The following DGKB variants were observed in gnomAD, a reference collection of about 807,000 sequenced individuals.
The protein encoded by DGKB is 90 kDa diacylglycerol kinase.
DGKB carries 67 observed loss-of-function variants against 114.3 expected under a neutral mutation model. The observed-to-expected ratio is 0.59, with a 90% CI of 0.48 to 0.72. The LOEUF (loss-of-function observed/expected upper bound fraction) is 0.72. DGKB is among the 30% of genes least tolerant of loss of function. The pLI, the probability that DGKB is intolerant of heterozygous loss-of-function variation, is 0.00. For missense variants in DGKB, 907 were observed against 975.2 expected, an observed-to-expected ratio of 0.93 and a Z score of 0.93; for synonymous variants, 398 against 323.1, an observed-to-expected ratio of 1.23 and a Z score of -2.49.
At chr7:14,898,706 T>C (rs1288830558) in intron 1 of DGKB, among the ~76,000 whole-genome samples, 2 of 152,014 alleles carry the variant, frequency 1.3e-5, no homozygotes, top group Non-Finnish European at 2.9e-5. Context: ...AGAGAATGAA[T>C]CAGGGCCAAC....
At chr7:14,510,041 C>T (rs1037913711) in intron 20 of DGKB, among the ~76,000 whole-genome samples, 4 of 152,060 alleles carry the variant, frequency 2.6e-5, no homozygotes, top group African/African-American at 9.6e-5. Context: ...CCCGGCGTGG[C>T]GGCGGGCGCC....
At chr7:14,958,613 A>T (rs1245304894) in intron 1 of DGKB, among the ~76,000 whole-genome samples, 2 of 152,068 alleles carry the variant, frequency 1.3e-5, no homozygotes, top group Non-Finnish European at 2.9e-5. Context: ...CTTTTCTTAA[A>T]GTAACCAGTA....
chr7:14,517,863 G>C (rs1489559215), intron 20 of DGKB, among the ~76,000 whole-genome samples: 2 of 152,056 alleles, frequency 1.3e-5, no homozygotes, highest in Admixed American at 6.6e-5. Flanking sequence ...ACTGCAGGTG[G>C]GAATGTAAAT....
In DGKB at chr7:14,363,140, G is replaced by T. The variant is rs183633006; in HGVS notation, c.1836-17749C>A. Among the ~76,000 whole-genome samples the T allele has an allele frequency of 3.7e-3, 559 of 152,198 alleles. 4 individuals carry two copies. The highest frequency in any genetic ancestry group is 0.013 in the African/African-American group (545 of 41,556). ...CCTCCAGCTCATCCACCAGATTACT[G>T]TTGCTAAAAAACTGCCAGACTAATT... On this transcript the variant is annotated intron_variant, in intron 21 of 25. Transcript: ENST00000402815.
intron 23 of DGKB, among the ~76,000 whole-genome samples, chr7:14,313,999 G>C (rs1031765962): frequency 9.9e-5 from 15 of 152,148 alleles, no homozygotes; most frequent in Non-Finnish European, 1.6e-4. Context: ...GTTTAACTGC[G>C]AGGCACCCTC....
chr7:14,330,981 C>T (rs889981490), intron 23 of DGKB, among the ~76,000 whole-genome samples: 2 of 151,586 alleles, frequency 1.3e-5, no homozygotes, highest in African/African-American at 4.8e-5. Flanking sequence ...TTACAAACTT[C>T]AAAATTATAA....
At chr7:14,607,329 T>A (rs1804702133) in intron 17 of DGKB, 105 bp downstream of exon 17, 1 of 643,868 alleles carries the variant, frequency 1.6e-6, no homozygotes, top group Admixed American at 3.0e-5. Flanking sequence ...TATGTACTAA[T>A]ATGCTGCTGT....
At chr7:14,425,544 G>A (rs571220273) in intron 21 of DGKB, among the ~76,000 whole-genome samples, 2 of 152,136 alleles carry the variant, frequency 1.3e-5, no homozygotes, top group South Asian at 4.1e-4. Context: ...AGCTACTACT[G>A]GAACACCTAT....
At chr7:14,875,482 T>C (rs558105676) in intron 1 of DGKB, among the ~76,000 whole-genome samples, 5 of 152,244 alleles carry the variant, frequency 3.3e-5, no homozygotes, top group African/African-American at 1.2e-4. Context: ...CATTGTGAAA[T>C]AAGAATGCCT....
chr7:14,531,654 T>C (rs1367655444), intron 20 of DGKB, among the ~76,000 whole-genome samples: 5 of 120,880 alleles, frequency 4.1e-5, no homozygotes, highest in African/African-American at 1.6e-4. Flanking sequence ...CTTATCAAAA[T>C]GACAGCAGAT....
At chr7:14,723,549 A>G (rs967347192) in intron 5 of DGKB, among the ~76,000 whole-genome samples, 1 of 151,610 alleles carries the variant, frequency 6.6e-6, no homozygotes, top group Non-Finnish European at 1.5e-5. Flanking sequence ...AGTGAAGCAA[A>G]TGTGTGTGTG....
chr7:14,568,754 T>A (rs113722301), intron 20 of DGKB, among the ~76,000 whole-genome samples: 1 of 152,224 alleles, frequency 6.6e-6, no homozygotes, highest in East Asian at 1.9e-4. Context: ...AGCTACATAT[T>A]TCTGACCTCG....
chr7:14,397,525 T>C (rs529638501), intron 21 of DGKB, among the ~76,000 whole-genome samples: 1 of 152,232 alleles, frequency 6.6e-6, no homozygotes, highest in Non-Finnish European at 1.5e-5. Context: ...AGAACTGCTG[T>C]GTCCTTCTAG....
intron 1 of DGKB, among the ~76,000 whole-genome samples, chr7:14,957,043 A>C (rs915215922): frequency 1.3e-5 from 2 of 152,000 alleles, no homozygotes; most frequent in African/African-American, 4.8e-5. Context: ...TCAAATGCCC[A>C]AATAGGAATT....
chr7:14,319,577 A>C (rs777239747), intron 23 of DGKB, among the ~76,000 whole-genome samples: 3 of 152,186 alleles, frequency 2.0e-5, no homozygotes, highest in African/African-American at 7.2e-5. Context: ...AGGATTTTCA[A>C]TAATTTTTAA....
At chr7:14,255,062 A>T (rs1264834511) in intron 23 of DGKB, among the ~76,000 whole-genome samples, 1 of 152,200 alleles carries the variant, frequency 6.6e-6, no homozygotes, top group Non-Finnish European at 1.5e-5. Context: ...TTTAAAGTAA[A>T]TAATAAGTTA....
At chr7:14,160,890 A>C (rs1562499293) in intron 25 of DGKB, among the ~76,000 whole-genome samples, 1 of 152,174 alleles carries the variant, frequency 6.6e-6, no homozygotes, top group Non-Finnish European at 1.5e-5. Context: ...TACAGTAACC[A>C]AAACAAACAG....
At position 14,350,734 on chromosome 7, in the gene DGKB, C is replaced by T. The variant is rs183403653; in HGVS notation, c.1836-5343G>A. ...AGATACTGAACCCATTTTCAAGCAT[C>T]GTTAACTAAGCGATTTGACCTATAT... On this transcript the variant is annotated intron_variant, in intron 21 of 25. Transcript: ENST00000402815. Among the ~76,000 whole-genome samples the T allele has an allele frequency of 2.5e-3, 375 of 151,384 alleles. 4 individuals carry two copies. Among genetic ancestry groups the T allele is most frequent in the African/African-American group, 8.5e-3 (352 of 41,240 alleles).
rs1554266021 is a variant in DGKB at position 14,769,254 on chromosome 7, G to GAA, written c.71-11525_71-11524dup. On this transcript the variant is annotated intron_variant, in intron 2 of 25. Transcript: ENST00000402815. ...AGAAAGAAAGAAAGAAAGAAAGAAA[G>GAA]AAAGAAAGAAAGAAAGAAAGAAAGA... 3.2e-5 allele frequency among the ~76,000 whole-genome samples: 4 copies of GAA among 124,152 alleles called. No homozygotes were observed. In the East Asian group the frequency reaches 1.1e-3, roughly 33 times the overall value. The allele number at this position is 124,152 out of a possible 152,430, so 81.4% of individuals were successfully genotyped here. A position where few individuals can be genotyped will look rare whatever the true frequency, so the allele number is the denominator to read the frequency against.
Sources: allele counts gnomAD v4.1 joint callset (sites outside exome capture counted in the v4.1 genomes callset), GRCh38; gene constraint gnomAD v4.1.1; transcripts MANE v1.5; gene names NCBI Gene and HGNC (gene_info 2026-07-23, HGNC 2026-07-21).